KCNQ1OT1: variants seen among roughly 807,000 people sequenced by gnomAD.
The protein encoded by KCNQ1OT1 is KCNQ1 antisense RNA 2 (non-protein coding).
chr11:2,620,646 A>G lies in KCNQ1OT1; in HGVS notation n.79349T>C. The G allele has an allele frequency of 2.5e-6, 1 of 398,386 alleles. No homozygotes were observed. Among genetic ancestry groups the G allele is most frequent in the Non-Finnish European group, 4.4e-6 (1 of 226,052 alleles). 24.7% of individuals were successfully genotyped at this position (398,386 alleles called of 1,614,324 possible). Reference sequence around the variant, plus strand: ...TGCTGTTGTGAATAGTGCTGTGATGAACATACAAATGCATGTGTCTTTTTG... The same window carrying G: ...TGCTGTTGTGAATAGTGCTGTGATGGACATACAAATGCATGTGTCTTTTTG... On this transcript the variant is annotated non_coding_transcript_exon_variant, in exon 1 of 1. Transcript: ENST00000597346. This position sits in a 1 kb window ranked among gnomAD's most constrained non-coding sequence, Gnocchi z 4.5.
At chr11:2,628,221 C>T (rs1219942294) in exon 1 of KCNQ1OT1, 1 of 398,468 alleles carries the variant, frequency 2.5e-6, no homozygotes, top group African/African-American at 2.1e-5. Context: ...TCGTGTTTTC[C>T]ATAATGACTG....
At position 2,668,842 on chromosome 11, in the gene KCNQ1OT1, G is replaced by T. The variant is rs1166997483; in HGVS notation, n.31153C>A. The T allele has an allele frequency of 2.5e-6, 1 of 398,328 alleles. No homozygotes were observed. The highest frequency in any genetic ancestry group is 4.4e-6 in the Non-Finnish European group (1 of 226,056). The allele number at this position is 398,328 out of a possible 1,614,324, so 24.7% of individuals were successfully genotyped here. On this transcript the variant is annotated non_coding_transcript_exon_variant, in exon 1 of 1. Transcript: ENST00000597346. The surrounding 1 kb of genome is among the most constrained non-coding windows in gnomAD (Gnocchi z 4.3). ...AATCAAACATTTCCTCTCTGGATAGGGCTGTTTGTGTCCTATTTAAGAAAC... is the reference window on the plus strand; with the variant it reads ...AATCAAACATTTCCTCTCTGGATAGTGCTGTTTGTGTCCTATTTAAGAAAC...
rs968344317 is a variant in KCNQ1OT1 at position 2,690,796 on chromosome 11, C to T, written n.9199G>A. ...GGCAGGGGGTCAGCAGGAGGGAGGT[C>T]CCTGTCTCCTTGGCTTCCAGCTTCC... On this transcript the variant is annotated non_coding_transcript_exon_variant, in exon 1 of 1. Transcript: ENST00000597346. This position sits in a 1 kb window ranked among gnomAD's most constrained non-coding sequence, Gnocchi z 5.1. The T allele has an allele frequency of 2.0e-5, 8 of 398,478 alleles. No homozygotes were observed. The highest frequency in any genetic ancestry group is 3.5e-5 in the Non-Finnish European group (8 of 226,088). The allele number at this position is 398,478 out of a possible 1,614,324, so 24.7% of individuals were successfully genotyped here.
chr11:2,668,384 A>T lies in KCNQ1OT1; in HGVS notation n.31611T>A, dbSNP rs536598259. The T allele has an allele frequency of 2.5e-6, 1 of 398,530 alleles. No individual in the cohort carries two copies. The highest frequency in any genetic ancestry group is 2.1e-5 in the African/African-American group (1 of 48,632). 24.7% of individuals were successfully genotyped at this position (398,530 alleles called of 1,614,324 possible). ...TTACTCTTAGTGAATACTACCCAGC[A>T]GTCTACCAAAGGAGTCATTCCAATT... is the stretch of plus-strand genomic sequence containing the variant. On this transcript the variant is annotated non_coding_transcript_exon_variant, in exon 1 of 1. Coordinates refer to ENST00000597346, the Ensembl canonical transcript of KCNQ1OT1. The surrounding 1 kb of genome is among the most constrained non-coding windows in gnomAD (Gnocchi z 4.3).
At position 2,682,400 on chromosome 11, in the gene KCNQ1OT1, C is replaced by G; in HGVS notation, n.17595G>C. 1 of 398,612 alleles carries G rather than the reference C, an allele frequency of 2.5e-6. No individual in the cohort carries two copies. Among genetic ancestry groups the G allele is most frequent in the Non-Finnish European group, 4.4e-6 (1 of 226,088 alleles). The allele number at this position is 398,612 out of a possible 1,614,324, so 24.7% of individuals were successfully genotyped here. ...CAAGGAGCATGAGGGTATAGGCTGG[C>G]TGTTTCTATTCAGTGTTTTATCTTC... is the stretch of plus-strand genomic sequence containing the variant. On this transcript the variant is annotated non_coding_transcript_exon_variant, in exon 1 of 1. Coordinates refer to ENST00000597346, the Ensembl canonical transcript of KCNQ1OT1. This position sits in a 1 kb window ranked among gnomAD's most constrained non-coding sequence, Gnocchi z 5.8.
rs572825983 is a variant in KCNQ1OT1 at position 2,695,280 on chromosome 11, C to T, written n.4715G>A. ...ACTTCATCTCTAGCCTCTATCCTTG[C>T]TCTCCTCCCTACACAAACAGCTTCT... is the stretch of plus-strand genomic sequence containing the variant. On this transcript the variant is annotated non_coding_transcript_exon_variant, in exon 1 of 1. Transcript: ENST00000597346. The surrounding 1 kb of genome is among the most constrained non-coding windows in gnomAD (Gnocchi z 5.2). 5.0e-6 allele frequency: 2 copies of T among 398,664 alleles called. No individual in the cohort carries two copies. The highest frequency in any genetic ancestry group is 3.6e-5 in the East Asian group (1 of 28,078). The allele number at this position is 398,664 out of a possible 1,614,324, so 24.7% of individuals were successfully genotyped here. A position where few individuals can be genotyped will look rare whatever the true frequency, so the allele number is the denominator to read the frequency against.
At chr11:2,693,062 A>T (rs1241929172) in exon 1 of KCNQ1OT1, 1 of 398,584 alleles carries the variant, frequency 2.5e-6, no homozygotes, top group African/African-American at 2.1e-5. Context: ...AAAGGCATCC[A>T]GTTAGCCATA....
exon 1 of KCNQ1OT1, chr11:2,662,111 G>C: frequency 6.2e-7 from 1 of 1,613,910 alleles, no homozygotes; most frequent in African/African-American, 1.3e-5. Flanking sequence ...TGAAGGGCTG[G>C]GCTGGAGGGG....
chr11:2,671,061 T>A lies in KCNQ1OT1; in HGVS notation n.28934A>T, dbSNP rs1293846289. ...GGGGCTGTATCTGAGGCACACATCCTTGGTAGTGACTGGCTAGCAGGAGGA... is the reference window on the plus strand; with the variant it reads ...GGGGCTGTATCTGAGGCACACATCCATGGTAGTGACTGGCTAGCAGGAGGA... On this transcript the variant is annotated non_coding_transcript_exon_variant, in exon 1 of 1. Coordinates refer to ENST00000597346, the Ensembl canonical transcript of KCNQ1OT1. This position sits in a 1 kb window ranked among gnomAD's most constrained non-coding sequence, Gnocchi z 4.7. 1 of 398,640 alleles carries A rather than the reference T, an allele frequency of 2.5e-6. No homozygotes were observed. Among genetic ancestry groups the A allele is most frequent in the Non-Finnish European group, 4.4e-6 (1 of 226,082 alleles). 24.7% of individuals were successfully genotyped at this position (398,640 alleles called of 1,614,324 possible).
At chr11:2,649,148 TA>T (rs763380706) in exon 1 of KCNQ1OT1, 2 of 398,246 alleles carry the variant, frequency 5.0e-6, no homozygotes, top group African/African-American at 4.1e-5. Context: ...AATTGGGTTT[TA>T]TTTTTTTAAT....
chr11:2,695,976 C>T lies in KCNQ1OT1; in HGVS notation n.4019G>A. On this transcript the variant is annotated non_coding_transcript_exon_variant, in exon 1 of 1. Coordinates refer to ENST00000597346, the Ensembl canonical transcript of KCNQ1OT1. This position sits in a 1 kb window ranked among gnomAD's most constrained non-coding sequence, Gnocchi z 5.2. Reference sequence around the variant, plus strand: ...CCTCAGCTTTAATTGTTTCAAATATCTTGTAATGAGTCATGGCAAAGTTAC... The same window carrying T: ...CCTCAGCTTTAATTGTTTCAAATATTTTGTAATGAGTCATGGCAAAGTTAC... The T allele has an allele frequency of 7.5e-6, 3 of 398,544 alleles. No homozygotes were observed. The highest frequency in any genetic ancestry group is 1.3e-5 in the Non-Finnish European group (3 of 226,054). 24.7% of individuals were successfully genotyped at this position (398,544 alleles called of 1,614,324 possible).
Position 2,653,785 on chromosome 11 carries a change from G to A in KCNQ1OT1, n.46210C>T. On this transcript the variant is annotated non_coding_transcript_exon_variant, in exon 1 of 1. Transcript: ENST00000597346. The surrounding 1 kb of genome is among the most constrained non-coding windows in gnomAD (Gnocchi z 5.3). The stretch of plus-strand genomic sequence containing the variant: ...TGGGGTACAAGCCATCCTTGGACCT[G>A]CAGCTGTACCTCCGATGGCTGAGGC... The A allele has an allele frequency of 2.5e-6, 1 of 398,656 alleles. No individual in the cohort carries two copies. Among genetic ancestry groups the A allele is most frequent in the East Asian group, 3.6e-5 (1 of 28,062 alleles). 24.7% of individuals were successfully genotyped at this position (398,656 alleles called of 1,614,324 possible).
Position 2,679,850 on chromosome 11 carries a change from C to T in KCNQ1OT1, n.20145G>A, listed in dbSNP as rs1044137745. On this transcript the variant is annotated non_coding_transcript_exon_variant, in exon 1 of 1. Transcript: ENST00000597346. The surrounding 1 kb of genome is among the most constrained non-coding windows in gnomAD (Gnocchi z 4.8). The stretch of plus-strand genomic sequence containing the variant: ...CTACTTCTGAATTTTATAGGACATG[C>T]ATTTTTTTCATATAAACTTAGAACT... 5.0e-6 allele frequency: 2 copies of T among 398,380 alleles called. No homozygotes were observed. Among genetic ancestry groups the T allele is most frequent in the Non-Finnish European group, 8.8e-6 (2 of 226,050 alleles). The allele number at this position is 398,380 out of a possible 1,614,324, so 24.7% of individuals were successfully genotyped here.
rs529617850 is a variant in KCNQ1OT1, at chr11:2,651,567, C to T, written n.48428G>A. ...GAGAACATGGATATTGTGTTCTTTA[C>T]CTCCATGTCTCCAGTGCCTGCCACA... is the stretch of plus-strand genomic sequence containing the variant. On this transcript the variant is annotated non_coding_transcript_exon_variant, in exon 1 of 1. Coordinates refer to ENST00000597346, the Ensembl canonical transcript of KCNQ1OT1. This position sits in a 1 kb window ranked among gnomAD's most constrained non-coding sequence, Gnocchi z 6.1. 246 of 398,606 alleles carry T rather than the reference C, an allele frequency of 6.2e-4. No individual in the cohort carries two copies. Among genetic ancestry groups the T allele is most frequent in the African/African-American group, 4.8e-3 (234 of 48,748 alleles). The allele number at this position is 398,606 out of a possible 1,614,324, so 24.7% of individuals were successfully genotyped here.
chr11:2,667,581 CG>C, exon 1 of KCNQ1OT1: 1 of 20,662 alleles, frequency 4.8e-5, no homozygotes, highest in South Asian at 1.7e-3. Flanking sequence ...GGCAGGGGGT[CG>C]GGGCGGGGTT....
chr11:2,685,256 G>C, exon 1 of KCNQ1OT1: 1 of 398,688 alleles, frequency 2.5e-6, no homozygotes, highest in Non-Finnish European at 4.4e-6. Flanking sequence ...CCAAACTCCA[G>C]GGCACACGTG....
In KCNQ1OT1 at chr11:2,629,741, T is replaced by C. The variant is rs1849322557; in HGVS notation, n.70254A>G. 3.0e-5 allele frequency: 12 copies of C among 398,542 alleles called. No homozygotes were observed. The East Asian group carries it at 4.3e-4, about 14-fold the overall frequency. 24.7% of individuals were successfully genotyped at this position (398,542 alleles called of 1,614,324 possible). A position where few individuals can be genotyped will look rare whatever the true frequency, so the allele number is the denominator to read the frequency against. On this transcript the variant is annotated non_coding_transcript_exon_variant, in exon 1 of 1. Transcript: ENST00000597346. ...TTTCAGGTTGTTTATTATTAGTGTA[T>C]AGATACGCAAATGACTTCTGAATGC...
Position 2,632,658 on chromosome 11 carries a change from T to C in KCNQ1OT1, n.67337A>G, listed in dbSNP as rs964957887. The C allele has an allele frequency of 8.8e-5, 35 of 398,310 alleles. No homozygotes were observed. The Admixed American group carries it at 1.5e-3, about 17-fold the overall frequency. 24.7% of individuals were successfully genotyped at this position (398,310 alleles called of 1,614,324 possible). ...TTCATCAACTCAAATATCATTTCTC[T>C]GTTTTGTGAGCAGTCAAAATCCTCC... On this transcript the variant is annotated non_coding_transcript_exon_variant, in exon 1 of 1. Transcript: ENST00000597346.
In KCNQ1OT1 at chr11:2,651,422, T is replaced by C. The variant is rs1015873208; in HGVS notation, n.48573A>G. On this transcript the variant is annotated non_coding_transcript_exon_variant, in exon 1 of 1. Transcript: ENST00000597346. This position sits in a 1 kb window ranked among gnomAD's most constrained non-coding sequence, Gnocchi z 6.1. Reference sequence around the variant, plus strand: ...TTTCCATTCCTTTTGGCCTGCCCTGTGTGCAGCTCAGCAAGTGCCTGAAGT... The same window carrying C: ...TTTCCATTCCTTTTGGCCTGCCCTGCGTGCAGCTCAGCAAGTGCCTGAAGT... The C allele has an allele frequency of 5.0e-6, 2 of 398,584 alleles. No homozygotes were observed. The highest frequency in any genetic ancestry group is 8.8e-6 in the Non-Finnish European group (2 of 226,104). 24.7% of individuals were successfully genotyped at this position (398,584 alleles called of 1,614,324 possible).
Sources: allele counts gnomAD v4.1 joint callset, GRCh38; gene constraint gnomAD v4.1.1; non-coding constraint Gnocchi (gnomAD v3.1); transcripts MANE v1.5; gene names NCBI Gene and HGNC (gene_info 2026-07-23, HGNC 2026-07-21).